The following SAMMSON variants were observed in gnomAD, a reference collection of about 807,000 sequenced individuals.
SAMMSON encodes survival associated mitochondrial melanoma specific oncogenic non-coding RNA.
chr3:70,355,121 G>A (rs1395583906), intron 8 of SAMMSON, among the ~76,000 whole-genome samples: 1 of 152,154 alleles, frequency 6.6e-6, no homozygotes, highest in East Asian at 1.9e-4. Context: ...TCTCGGGTAG[G>A]AGACTTCAGG....
intron 7 of SAMMSON, among the ~76,000 whole-genome samples, chr3:70,353,999 A>G (rs957858886): frequency 6.6e-6 from 1 of 152,216 alleles, no homozygotes; most frequent in Non-Finnish European, 1.5e-5. Flanking sequence ...TGAAAATGAC[A>G]AAATTATAGA....
intron 4 of SAMMSON, among the ~76,000 whole-genome samples, chr3:70,190,318 C>G (rs60693264): frequency 0.13 from 19,980 of 152,216 alleles, 1,969 homozygotes; most frequent in East Asian, 0.55. Flanking sequence ...TTCTCAGTCT[C>G]TACTCTCCTG....
At chr3:70,289,691 G>A (rs947555079) in intron 6 of SAMMSON, among the ~76,000 whole-genome samples, 3 of 152,016 alleles carry the variant, frequency 2.0e-5, no homozygotes, top group African/African-American at 4.8e-5. Context: ...TCACTTTCAG[G>A]TACACCAATC....
intron 2 of SAMMSON, among the ~76,000 whole-genome samples, chr3:70,418,919 TCTTTC>T (rs200336047): frequency 0.08 from 6,781 of 84,584 alleles, 526 homozygotes; most frequent in East Asian, 0.26. Context: ...ATGTTTGCTT[TCTTTC>T]CTTTCCTTTC....
intron 6 of SAMMSON, among the ~76,000 whole-genome samples, chr3:70,250,064 T>A (rs1030973661): frequency 6.6e-6 from 1 of 152,302 alleles, no homozygotes. Context: ...ATAAAGGGTG[T>A]GGTCAGGTTG....
intron 6 of SAMMSON, among the ~76,000 whole-genome samples, chr3:70,276,663 TCTACATATGGC>T (rs1430460044): frequency 3.3e-5 from 5 of 152,232 alleles, no homozygotes; most frequent in Non-Finnish European, 7.3e-5. Context: ...TGACCCATGG[TCTACATATGGC>T]CTACTGCATT....
chr3:70,166,853 C>T (rs2067639385), intron 4 of SAMMSON, among the ~76,000 whole-genome samples: 1 of 151,828 alleles, frequency 6.6e-6, no homozygotes, highest in Non-Finnish European at 1.5e-5. Context: ...CCTTTCCTTG[C>T]CCTCCAAGGA....
chr3:70,300,354 T>C (rs1403783892), intron 7 of SAMMSON, among the ~76,000 whole-genome samples: 1 of 152,140 alleles, frequency 6.6e-6, no homozygotes, highest in Non-Finnish European at 1.5e-5. Context: ...TACAGACGTT[T>C]ATTATAGGCA....
At chr3:70,123,493 C>T (rs943976019) in intron 4 of SAMMSON, among the ~76,000 whole-genome samples, 1 of 152,214 alleles carries the variant, frequency 6.6e-6, no homozygotes, top group Non-Finnish European at 1.5e-5. Context: ...TGGTCTCGAA[C>T]TCCTGAGCTG....
chr3:70,331,298 G>A (rs1439763747), intron 7 of SAMMSON, among the ~76,000 whole-genome samples: 1 of 152,118 alleles, frequency 6.6e-6, no homozygotes, highest in Non-Finnish European at 1.5e-5. Flanking sequence ...GTCCCGTGAA[G>A]TAATTGGCAC....
chr3:70,214,122 A>G (rs1206599084), intron 4 of SAMMSON, among the ~76,000 whole-genome samples: 4 of 152,156 alleles, frequency 2.6e-5, no homozygotes, highest in Non-Finnish European at 2.9e-5. Context: ...GGAGTATTCA[A>G]TTGCTACATC....
chr3:70,148,107 G>A (rs2067556486), intron 4 of SAMMSON, among the ~76,000 whole-genome samples: 1 of 152,008 alleles, frequency 6.6e-6, no homozygotes, highest in African/African-American at 2.4e-5. Flanking sequence ...TTTTGGAAAG[G>A]CTATAATTAA....
At chr3:70,110,647 C>G (rs1184755036) in intron 4 of SAMMSON, among the ~76,000 whole-genome samples, 5 of 152,142 alleles carry the variant, frequency 3.3e-5, no homozygotes, top group African/African-American at 1.2e-4. Context: ...CCAGCCACAA[C>G]TCGAATTCTA....
At chr3:70,040,117 T>C (rs755293588) in intron 3 of SAMMSON, among the ~76,000 whole-genome samples, 3 of 152,156 alleles carry the variant, frequency 2.0e-5, no homozygotes, top group Non-Finnish European at 4.4e-5. Context: ...CATTTGCACA[T>C]GTAACTTAAC....
At chr3:70,221,394 G>A (rs921848035) in intron 4 of SAMMSON, among the ~76,000 whole-genome samples, 3 of 152,064 alleles carry the variant, frequency 2.0e-5, no homozygotes, top group Non-Finnish European at 4.4e-5. Flanking sequence ...GAAGAAGGGC[G>A]CTGTGCCTTA....
intron 4 of SAMMSON, chr3:70,126,444 C>G (rs1576128771): frequency 1.5e-6 from 1 of 689,286 alleles, no homozygotes; most frequent in South Asian, 1.6e-5. Context: ...TCTGACAGGT[C>G]ATGCACCAAC....
At chr3:70,235,516 T>C (rs1400495805) in intron 4 of SAMMSON, among the ~76,000 whole-genome samples, 2 of 152,232 alleles carry the variant, frequency 1.3e-5, no homozygotes, top group Non-Finnish European at 2.9e-5. Flanking sequence ...TACATGGCTC[T>C]AATCACCAAA....
At chr3:70,111,310 A>C (rs1039691471) in intron 4 of SAMMSON, among the ~76,000 whole-genome samples, 1 of 152,176 alleles carries the variant, frequency 6.6e-6, no homozygotes, top group Non-Finnish European at 1.5e-5. Context: ...AAAGGAAATA[A>C]AAATAAATAC....
chr3:70,278,088 A>C (rs780248885), intron 6 of SAMMSON, among the ~76,000 whole-genome samples: 1 of 152,144 alleles, frequency 6.6e-6, no homozygotes, highest in Non-Finnish European at 1.5e-5. Context: ...GACAGCTCTC[A>C]TCATTTCCCC....
Sources: allele counts gnomAD v4.1 joint callset (sites outside exome capture counted in the v4.1 genomes callset), GRCh38; gene constraint gnomAD v4.1.1; transcripts MANE v1.5; gene names NCBI Gene and HGNC (gene_info 2026-07-23, HGNC 2026-07-21).